Variants in OR10H5 observed in about 807,000 individuals in gnomAD.
OR10H5 encodes olfactory receptor family 10 subfamily H member 5, also known as olfactory receptor 10H5.
OR10H5 carries 7 observed loss-of-function variants against 12.2 expected under a neutral mutation model. The ratio of observed to expected loss-of-function variants is 0.57; its 90% CI spans 0.33 to 1.07. The LOEUF is 1.07. Ranked by LOEUF, OR10H5 falls within the 50% of genes least tolerant of loss-of-function variation. The pLI is 0.04. For missense variants in OR10H5, 346 were observed against 411.6 expected, an observed-to-expected ratio of 0.84 and a Z score of 1.38; for synonymous variants, 159 against 175.1, an observed-to-expected ratio of 0.91 and a Z score of 0.73.
Position 15,791,956 on chromosome 19 carries a change from G to T in OR10H5, c.-11-2082G>T, listed in dbSNP as rs149281641. On this transcript the variant is annotated intron_variant, in intron 1 of 1. Coordinates refer to ENST00000642092, the MANE Select transcript of OR10H5 (RefSeq NM_001004466.2). ...GATCTGCCCGTCTCAGCCTCCCAAAGTGCTGGGATTACAGGTGCATGAATT... is the reference window on the plus strand; with the variant it reads ...GATCTGCCCGTCTCAGCCTCCCAAATTGCTGGGATTACAGGTGCATGAATT... Among the ~76,000 whole-genome samples, 1,427 of 151,810 alleles carry T rather than the reference G, an allele frequency of 9.4e-3. 19 individuals carry two copies. The highest frequency in any genetic ancestry group is 0.032 in the African/African-American group (1,321 of 41,406).
intron 1 of OR10H5, among the ~76,000 whole-genome samples, chr19:15,793,631 A>G (rs1014368545): frequency 6.6e-6 from 1 of 152,074 alleles, no homozygotes; most frequent in Non-Finnish European, 1.5e-5. Context: ...CTGTAATCCC[A>G]ACACTTTGGA....
At chr19:15,788,118 G>A (rs1258679052) in intron 1 of OR10H5, among the ~76,000 whole-genome samples, 2 of 152,160 alleles carry the variant, frequency 1.3e-5, no homozygotes, top group Non-Finnish European at 2.9e-5. Flanking sequence ...CATCACCCAT[G>A]TGTACTCCTG....
In OR10H5 at chr19:15,797,207, AAAATGT is replaced by A. The variant is rs1246570570; in HGVS notation, c.*2215_*2220del. ...GGGGGGCATTCTTTGCCTCCCCTAT[AAAATGT>A]AAAGGGATCCCAAATGTTAAACTTC... On this transcript the variant is annotated 3_prime_UTR_variant, in exon 2 of 2. Coordinates refer to ENST00000642092, the MANE Select transcript of OR10H5 (RefSeq NM_001004466.2). 1 of 152,168 alleles carries A rather than the reference AAAATGT, an allele frequency of 6.6e-6. No homozygotes were observed. The highest frequency in any genetic ancestry group is 2.4e-5 in the African/African-American group (1 of 41,448). The allele number at this position is 152,168 out of a possible 1,614,324, so 9.4% of individuals were successfully genotyped here. A position where few individuals can be genotyped will look rare whatever the true frequency, so the allele number is the denominator to read the frequency against.
In OR10H5 at chr19:15,794,655, G is replaced by C. The variant is rs139887619; in HGVS notation, c.607G>C (p.Val203Leu). ...GGTGGTGGCCAAAGGCGTGGGCTTGGTGTGTATCACGGCCCTGCTGGGCTG... is the reference window on the plus strand; with the variant it reads ...GGTGGTGGCCAAAGGCGTGGGCTTGCTGTGTATCACGGCCCTGCTGGGCTG... ...VLVVAKGVGLVCITALLGCFL... is the reference protein window; with the variant it reads ...VLVVAKGVGLLCITALLGCFL... The change falls in exon 2 of 2, where the codon GTG becomes CTG. Residue 203 changes from valine (V) to leucine (L), a missense_variant. Val to Leu is a conservative substitution (Grantham distance 32). Transcript: ENST00000642092. 502 of 1,614,152 alleles carry C rather than the reference G, an allele frequency of 3.1e-4. 3 individuals are homozygous for C. The African/African-American group carries it at 6.2e-3, about 20-fold the overall frequency.
intron 1 of OR10H5, among the ~76,000 whole-genome samples, chr19:15,792,088 A>G (rs2088812229): frequency 6.6e-6 from 1 of 152,120 alleles, no homozygotes; most frequent in Non-Finnish European, 1.5e-5. Context: ...ACAATTAGCC[A>G]TATTCACCCA....
intron 1 of OR10H5, among the ~76,000 whole-genome samples, chr19:15,793,000 G>A (rs2088816164): frequency 6.6e-6 from 1 of 152,006 alleles, no homozygotes; most frequent in South Asian, 2.1e-4. Flanking sequence ...TTAAAAATAG[G>A]AATAATAATT....
intron 1 of OR10H5, among the ~76,000 whole-genome samples, chr19:15,788,611 A>AC (rs2088795219): frequency 6.6e-6 from 1 of 152,012 alleles, no homozygotes; most frequent in African/African-American, 2.4e-5. Flanking sequence ...TGATCCTCCC[A>AC]CTTGGCCTCC....
In OR10H5 at chr19:15,794,369, C is replaced by T. The variant is rs61748264; in HGVS notation, c.321C>T (p.Phe107=). The T allele has an allele frequency of 4.2e-5, 68 of 1,614,124 alleles. 1 individual carries two copies. Among genetic ancestry groups the T allele is most frequent in the Middle Eastern group, 1.7e-4 (1 of 6,060 alleles). The change falls in exon 2 of 2, where the codon TTC becomes TTT. Residue 107 remains phenylalanine, a synonymous_variant. Coordinates refer to ENST00000642092, the MANE Select transcript of OR10H5 (RefSeq NM_001004466.2). ...CASQMFFSFS[F]GFTHSFLLTV... Reference sequence around the variant, plus strand: ...GTCAGATGTTCTTCTCCTTCAGCTTCGGCTTCACCCACTCCTTCCTGCTCA... The same window carrying T: ...GTCAGATGTTCTTCTCCTTCAGCTTTGGCTTCACCCACTCCTTCCTGCTCA...
Position 15,794,697 on chromosome 19 carries a change from C to T in OR10H5, c.649C>T (p.Leu217Phe). The change falls in exon 2 of 2, where the codon CTC becomes TTC. Residue 217 changes from leucine to phenylalanine, a missense_variant. Leu to Phe is a conservative substitution (Grantham distance 22, BLOSUM62 0). Transcript: ENST00000642092. The stretch of plus-strand genomic sequence containing the variant: ...GCTGGGCTGTTTTCTCCTCATCCTC[C>T]TCTCCTATGCCTTCATCGTGGCCGC... ...ALLGCFLLIL[L>F]SYAFIVAAIL... 1.2e-5 allele frequency: 20 copies of T among 1,614,142 alleles called. No homozygotes were observed. The highest frequency in any genetic ancestry group is 1.7e-5 in the Non-Finnish European group (20 of 1,179,996).
intron 1 of OR10H5, among the ~76,000 whole-genome samples, chr19:15,791,936 G>T (rs1297908805): frequency 6.6e-6 from 1 of 151,568 alleles, no homozygotes; most frequent in African/African-American, 2.4e-5. Context: ...TTCATGATCT[G>T]CCCGTCTCAG....
In OR10H5 at chr19:15,794,867, C is replaced by T. The variant is rs762300005; in HGVS notation, c.819C>T (p.Thr273=). Residue 273 remains threonine, a synonymous_variant, in exon 2 of 2, where the codon ACC becomes ACT. Transcript: ENST00000642092. Reference sequence around the variant, plus strand: ...GTCCCCAGTCTCCGGAAGGAGACACCTTGATGGGCATCACCTACACGGTCC... The same window carrying T: ...GTCCCCAGTCTCCGGAAGGAGACACTTTGATGGGCATCACCTACACGGTCC... The part of the protein sequence containing the change: ...PKGPQSPEGD[T]LMGITYTVLT... The T allele has an allele frequency of 4.3e-6, 7 of 1,614,040 alleles. No individual in the cohort carries two copies. The East Asian group carries it at 1.6e-4, about 36-fold the overall frequency.
chr19:15,794,228 C>A lies in OR10H5; in HGVS notation c.180C>A (p.Tyr60Ter). Residue 60 changes from tyrosine (Y) to a stop codon, truncating the protein, a stop_gained, in exon 2 of 2, where the codon TAC becomes TAA. Transcript: ENST00000642092. LOFTEE classifies it high-confidence loss of function. ...WSERSLHMPM[Y>*]LFLCALSITE... ...AGCGCAGCCTCCACATGCCCATGTA[C>A]CTCTTCCTGTGTGCCCTCTCCATCA... 6.2e-7 allele frequency: 1 copy of A among 1,614,226 alleles called. No individual in the cohort carries two copies. The highest frequency in any genetic ancestry group is 8.5e-7 in the Non-Finnish European group (1 of 1,180,044).
At chr19:15,792,818 T>C (rs2088815229) in intron 1 of OR10H5, among the ~76,000 whole-genome samples, 1 of 152,160 alleles carries the variant, frequency 6.6e-6, no homozygotes, top group African/African-American at 2.4e-5. Flanking sequence ...AGGTACATTA[T>C]GAGCATAATC....
intron 1 of OR10H5, among the ~76,000 whole-genome samples, chr19:15,790,608 G>T (rs965690222): frequency 6.6e-6 from 1 of 152,092 alleles, no homozygotes; most frequent in Non-Finnish European, 1.5e-5. Flanking sequence ...CAGAGCTGGG[G>T]TTGTGTCCCT....
At position 15,794,149 on chromosome 19, in the gene OR10H5, T is replaced by A. The variant is rs534622530; in HGVS notation, c.101T>A (p.Met34Lys). The stretch of plus-strand genomic sequence containing the variant: ...ATGCTCTTCCTGCTGTTCCTGCTGA[T>A]GTACCTGTTCACGCTGCTGGGCAAC... The part of the protein sequence containing the change: ...QLMLFLLFLL[M>K]YLFTLLGNLL... The change falls in exon 2 of 2, where the codon ATG becomes AAG. Residue 34 changes from methionine to lysine, a missense_variant. By Grantham distance (95) the Met-to-Lys change is moderately conservative (BLOSUM62 -1). Coordinates refer to ENST00000642092, the MANE Select transcript of OR10H5 (RefSeq NM_001004466.2). 3.1e-6 allele frequency: 5 copies of A among 1,614,212 alleles called. No individual in the cohort carries two copies. In the South Asian group the frequency reaches 4.4e-5, roughly 14 times the overall value.
Position 15,797,249 on chromosome 19 carries a change from A to G in OR10H5, c.*2253A>G, listed in dbSNP as rs2088844135. ...CAAATGTTAAACTTCCACCCCCATC[A>G]CCTCGAGTTGTCATGGAAAAGAGAA... On this transcript the variant is annotated 3_prime_UTR_variant, in exon 2 of 2. Coordinates refer to ENST00000642092, the MANE Select transcript of OR10H5 (RefSeq NM_001004466.2). 1 of 151,988 alleles carries G rather than the reference A, an allele frequency of 6.6e-6. No individual in the cohort carries two copies. The allele number at this position is 151,988 out of a possible 1,614,324, so 9.4% of individuals were successfully genotyped here. A position where few individuals can be genotyped will look rare whatever the true frequency, so the allele number is the denominator to read the frequency against.
Position 15,799,474 on chromosome 19 carries a change from A to G in OR10H5, c.*4478A>G, listed in dbSNP as rs1010200544. 1 of 152,084 alleles carries G rather than the reference A, an allele frequency of 6.6e-6. No homozygotes were observed. Among genetic ancestry groups the G allele is most frequent in the African/African-American group, 2.4e-5 (1 of 41,384 alleles). The allele number at this position is 152,084 out of a possible 1,614,324, so 9.4% of individuals were successfully genotyped here. A position where few individuals can be genotyped will look rare whatever the true frequency, so the allele number is the denominator to read the frequency against. ...CTTGCATTTTTTCCCTCGAAAGACT[A>G]AAAAATGGAAGCCATCATTAATTTA... On this transcript the variant is annotated 3_prime_UTR_variant, in exon 2 of 2. Coordinates refer to ENST00000642092, the MANE Select transcript of OR10H5 (RefSeq NM_001004466.2).
intron 1 of OR10H5, among the ~76,000 whole-genome samples, chr19:15,788,882 T>A (rs1206809468): frequency 6.6e-6 from 1 of 152,154 alleles, no homozygotes; most frequent in African/African-American, 2.4e-5. Context: ...TTTAGTTTAG[T>A]TTAGTTTGGT....
rs2088859606 is a variant in OR10H5 at position 15,799,889 on chromosome 19, A to T, written c.*4893A>T. On this transcript the variant is annotated 3_prime_UTR_variant, in exon 2 of 2. Coordinates refer to ENST00000642092, the MANE Select transcript of OR10H5 (RefSeq NM_001004466.2). ...TAAATTTTTTTTGTGTTTTTAGTACAGACAGGGTTTCGCCATGTTGCCCAG... is the reference window on the plus strand; with the variant it reads ...TAAATTTTTTTTGTGTTTTTAGTACTGACAGGGTTTCGCCATGTTGCCCAG... The T allele has an allele frequency of 6.6e-6, 1 of 151,970 alleles. No individual in the cohort carries two copies. The highest frequency in any genetic ancestry group is 2.1e-4 in the South Asian group (1 of 4,818). 9.4% of individuals were successfully genotyped at this position (151,970 alleles called of 1,614,324 possible).
Sources: gnomAD v4.1 joint callset for allele counts (sites outside exome capture counted in the v4.1 genomes callset) on GRCh38, gnomAD v4.1.1 for gene constraint, MANE v1.5 for transcripts, NCBI Gene and HGNC (gene_info 2026-07-23, HGNC 2026-07-21) for gene names.